The following PKIB variants were observed in gnomAD, a reference collection of about 807,000 sequenced individuals.
PKIB encodes the protein cAMP-dependent protein kinase inhibitor beta.
PKIB carries 2 observed loss-of-function variants against 4.5 expected under a neutral mutation model. That is an observed-to-expected ratio of 0.44 (90% confidence interval 0.18 to 1.39). PKIB has a LOEUF of 1.39. Among genes scored for constraint, PKIB ranks in the 40% most tolerant of loss-of-function variants. The pLI is 0.27. For missense variants in PKIB, 94 were observed against 92.6 expected, an observed-to-expected ratio of 1.02 and a Z score of -0.06; for synonymous variants, 38 against 36.0, an observed-to-expected ratio of 1.06 and a Z score of -0.20.
chr6:122,674,962 G>C (rs1436726002), intron 2 of PKIB, 116 bp from the exon 3 acceptor site: 1 of 152,210 alleles, frequency 6.6e-6, no homozygotes, highest in Non-Finnish European at 1.5e-5. Flanking sequence ...AGTCAGGCAA[G>C]TCATGATGTT....
At chr6:122,708,980 G>T (rs1260499186) in intron 3 of PKIB, among the ~76,000 whole-genome samples, 2 of 152,102 alleles carry the variant, frequency 1.3e-5, no homozygotes, top group African/African-American at 4.8e-5. Context: ...GCTGTCTCTA[G>T]AGCCACGTCA....
intron 2 of PKIB, among the ~76,000 whole-genome samples, chr6:122,563,051 T>A (rs1273165821): frequency 1.3e-5 from 2 of 152,176 alleles, no homozygotes; most frequent in African/African-American, 4.8e-5. Flanking sequence ...TTTTGTCATA[T>A]TACCAGGGTT....
At chr6:122,559,153 G>A (rs1212117328) in intron 2 of PKIB, among the ~76,000 whole-genome samples, 6 of 151,504 alleles carry the variant, frequency 4.0e-5, no homozygotes, top group African/African-American at 7.3e-5. Context: ...AATCAACAAC[G>A]AACTCAAACA....
chr6:122,711,362 G>A (rs144298148), intron 3 of PKIB, among the ~76,000 whole-genome samples: 3 of 152,168 alleles, frequency 2.0e-5, no homozygotes, highest in Non-Finnish European at 4.4e-5. Flanking sequence ...ACTTAGGAAA[G>A]ACTTTGACAC....
chr6:122,695,888 G>A (rs1287106504), intron 3 of PKIB, among the ~76,000 whole-genome samples: 2 of 151,710 alleles, frequency 1.3e-5, no homozygotes, highest in African/African-American at 4.8e-5. Context: ...TGACATCTGT[G>A]GTAAAGATTA....
intron 2 of PKIB, among the ~76,000 whole-genome samples, chr6:122,566,979 C>T (rs1562253937): frequency 6.6e-6 from 1 of 152,144 alleles, no homozygotes; most frequent in African/African-American, 2.4e-5. Context: ...GCCTTGAACT[C>T]CTGGCTCGAT....
At chr6:122,635,847 G>A (rs1230596336) in intron 2 of PKIB, among the ~76,000 whole-genome samples, 1 of 152,042 alleles carries the variant, frequency 6.6e-6, no homozygotes, top group Admixed American at 6.5e-5. Context: ...GGAATAGAGA[G>A]ATGTCATTAA....
intron 2 of PKIB, among the ~76,000 whole-genome samples, chr6:122,523,967 G>T (rs1777023097): frequency 6.6e-6 from 1 of 152,158 alleles, no homozygotes; most frequent in Non-Finnish European, 1.5e-5. Flanking sequence ...CTTCATAGCA[G>T]TATGAAAATT....
chr6:122,707,174 A>T (rs1157170910), intron 3 of PKIB, among the ~76,000 whole-genome samples: 1 of 152,074 alleles, frequency 6.6e-6, no homozygotes, highest in Non-Finnish European at 1.5e-5. Flanking sequence ...TTTTCTTTCT[A>T]AAGTTGTTTG....
chr6:122,509,362 G>C (rs1347760138), intron 2 of PKIB, among the ~76,000 whole-genome samples: 1 of 151,766 alleles, frequency 6.6e-6, no homozygotes, highest in Non-Finnish European at 1.5e-5. Flanking sequence ...TTATGTATTG[G>C]AACTACAATC....
At chr6:122,683,479 C>A (rs550781830) in intron 3 of PKIB, among the ~76,000 whole-genome samples, 1 of 152,240 alleles carries the variant, frequency 6.6e-6, no homozygotes, top group South Asian at 2.1e-4. Flanking sequence ...AAACACCTTC[C>A]ACCAGGCCCT....
chr6:122,688,937 C>T lies in PKIB; in HGVS notation c.-9+13793C>T, dbSNP rs911535717. The stretch of plus-strand genomic sequence containing the variant: ...CTGGGACTACAGACGCCCGCCACCA[C>T]GCCCGTCTAATTTTTTTTTATTTTT... On this transcript the variant is annotated intron_variant, in intron 3 of 4. Coordinates refer to ENST00000368452, the MANE Select transcript of PKIB (RefSeq NM_181795.3). Among the ~76,000 whole-genome samples, 12 of 151,952 alleles carry T rather than the reference C, an allele frequency of 7.9e-5. No individual in the cohort carries two copies. The East Asian group carries it at 1.4e-3, about 17-fold the overall frequency.
At chr6:122,628,654 A>G (rs941828774) in intron 1 of PKIB, among the ~76,000 whole-genome samples, 3 of 152,172 alleles carry the variant, frequency 2.0e-5, no homozygotes, top group Non-Finnish European at 4.4e-5. Flanking sequence ...TCTAGATACT[A>G]TTTCTTCCTA....
intron 2 of PKIB, among the ~76,000 whole-genome samples, chr6:122,497,274 CTT>C (rs1281595480): frequency 2.0e-5 from 3 of 152,174 alleles, no homozygotes; most frequent in South Asian, 2.1e-4. Context: ...TAAAATCACA[CTT>C]AAGTATATAG....
At chr6:122,561,899 T>G (rs1773022465) in intron 2 of PKIB, among the ~76,000 whole-genome samples, 4 of 151,890 alleles carry the variant, frequency 2.6e-5, no homozygotes, top group Non-Finnish European at 5.9e-5. Context: ...ATGGAGATTT[T>G]GGCCAATTAC....
chr6:122,665,109 C>G (rs1278996876), intron 2 of PKIB, among the ~76,000 whole-genome samples: 1 of 152,016 alleles, frequency 6.6e-6, no homozygotes, highest in Non-Finnish European at 1.5e-5. Flanking sequence ...TGTTTTTGTT[C>G]TTGTTGACTC....
intron 2 of PKIB, among the ~76,000 whole-genome samples, chr6:122,562,004 G>GTTTTTTTTTTTTTTTTTTTTTTT (rs758656278): frequency 2.3e-4 from 18 of 79,498 alleles, no homozygotes; most frequent in East Asian, 4.8e-4. Context: ...GTTTTTTTTT[G>GTTTTTTTTTTTTTTTTTTTTTTT]TTTTTTTTTT....
At chr6:122,592,796 A>C (rs1774058322) in intron 3 of PKIB, among the ~76,000 whole-genome samples, 1 of 152,208 alleles carries the variant, frequency 6.6e-6, no homozygotes, top group Non-Finnish European at 1.5e-5. Context: ...AGTGCTTTTC[A>C]AACTTTAATG....
chr6:122,552,183 T>C (rs1340933439), intron 2 of PKIB, among the ~76,000 whole-genome samples: 1 of 152,164 alleles, frequency 6.6e-6, no homozygotes, highest in Admixed American at 6.5e-5. Context: ...GGAAGAGGCT[T>C]TCTTTCTTGG....
Sources: gnomAD v4.1 joint callset for allele counts (sites outside exome capture counted in the v4.1 genomes callset) on GRCh38, gnomAD v4.1.1 for gene constraint, MANE v1.5 for transcripts, NCBI Gene and HGNC (gene_info 2026-07-23, HGNC 2026-07-21) for gene names.